CHN2: variants seen among roughly 807,000 people sequenced by gnomAD.
The protein encoded by CHN2 is chimerin 2, also known as beta-chimaerin.
A neutral mutation model predicts 56.3 loss-of-function variants in CHN2; 35 were observed. That is an observed-to-expected ratio of 0.62 (90% CI 0.47 to 0.82). The LOEUF (loss-of-function observed/expected upper bound fraction) is 0.82, where lower values mean the gene tolerates loss of function less well. Ranked by LOEUF, CHN2 falls within the 40% of genes least tolerant of loss-of-function variation. The pLI, the probability that CHN2 is intolerant of heterozygous loss-of-function variation, is 0.00. For missense variants in CHN2, 491 were observed against 580.5 expected, an observed-to-expected ratio of 0.85 and a Z score of 1.58; for synonymous variants, 210 against 212.8, an observed-to-expected ratio of 0.99 and a Z score of 0.12.
intron 1 of CHN2, among the ~76,000 whole-genome samples, chr7:29,238,001 T>TTAA (rs1353046616): frequency 6.7e-6 from 1 of 149,092 alleles, no homozygotes; most frequent in East Asian, 2.0e-4. Context: ...CACTCATACT[T>TTAA]TAATATGTAT....
intron 1 of CHN2, among the ~76,000 whole-genome samples, chr7:29,344,492 A>G (rs1210233060): frequency 6.6e-6 from 1 of 152,114 alleles, no homozygotes; most frequent in Non-Finnish European, 1.5e-5. Context: ...AGCCTGTTTC[A>G]GCCAGCAAGC....
chr7:29,371,032 G>T (rs1235559273), intron 3 of CHN2, among the ~76,000 whole-genome samples: 4 of 152,192 alleles, frequency 2.6e-5, no homozygotes, highest in Admixed American at 1.3e-4. Context: ...CATCTACTTT[G>T]CAGGGTTGCT....
chr7:29,360,577 G>T (rs1313990966), intron 2 of CHN2, among the ~76,000 whole-genome samples: 2 of 152,188 alleles, frequency 1.3e-5, no homozygotes, highest in African/African-American at 2.4e-5. Context: ...CCATGGCAGG[G>T]TGGAGGGTGG....
At chr7:29,212,401 A>G (rs1785022939) in intron 1 of CHN2, 1 of 1,607,444 alleles carries the variant, frequency 6.2e-7, no homozygotes, top group East Asian at 2.2e-5. Flanking sequence ...CCTGAAGAAA[A>G]CTATCCATCC....
chr7:29,311,501 C>T (rs758324338), intron 1 of CHN2, among the ~76,000 whole-genome samples: 2 of 152,170 alleles, frequency 1.3e-5, no homozygotes, highest in Admixed American at 6.5e-5. Flanking sequence ...CCCCACTTCA[C>T]GGATGAGAAA....
chr7:29,221,784 C>T (rs1785817036), intron 1 of CHN2, among the ~76,000 whole-genome samples: 2 of 152,340 alleles, frequency 1.3e-5, no homozygotes, highest in East Asian at 1.9e-4. Flanking sequence ...CTGCAGAGGA[C>T]ATGATCTCAT....
chr7:29,252,390 G>A lies in CHN2; in HGVS notation c.49+57400G>A, dbSNP rs918241411. 1.5e-4 allele frequency among the ~76,000 whole-genome samples: 23 copies of A among 150,010 alleles called. No individual in the cohort carries two copies. The Middle Eastern group carries it at 0.01, about 67-fold the overall frequency. ...TTTTTAGTAGAGATGGAGTTTCACC[G>A]TGTTAGCCAGGATGGTCTCAAACTC... On this transcript the variant is annotated intron_variant, in intron 1 of 12. Coordinates refer to ENST00000222792, the MANE Select transcript of CHN2 (RefSeq NM_004067.4).
intron 7 of CHN2, among the ~76,000 whole-genome samples, chr7:29,481,706 T>A (rs1264152297): frequency 6.7e-6 from 1 of 150,374 alleles, no homozygotes; most frequent in South Asian, 2.1e-4. Context: ...CCTCATTAAT[T>A]TTTTTTGGCC....
chr7:29,215,485 C>G (rs1404437862), intron 1 of CHN2, among the ~76,000 whole-genome samples: 1 of 152,108 alleles, frequency 6.6e-6, no homozygotes, highest in Non-Finnish European at 1.5e-5. Flanking sequence ...AGTTGTAACT[C>G]CTTAATGCCA....
At chr7:29,374,438 T>G (rs1585194117) in intron 3 of CHN2, among the ~76,000 whole-genome samples, 1 of 152,280 alleles carries the variant, frequency 6.6e-6, no homozygotes, top group East Asian at 1.9e-4. Context: ...ACAAGTACTG[T>G]GATCTACCAA....
chr7:29,269,013 G>A (rs1790391157), intron 1 of CHN2, among the ~76,000 whole-genome samples: 1 of 152,190 alleles, frequency 6.6e-6, no homozygotes, highest in African/African-American at 2.4e-5. Flanking sequence ...TCAAATCAAG[G>A]TAATTGGGAT....
intron 1 of CHN2, among the ~76,000 whole-genome samples, chr7:29,347,389 G>A (rs1320404088): frequency 3.1e-4 from 47 of 152,152 alleles, no homozygotes; most frequent in Non-Finnish European, 1.2e-4. Flanking sequence ...CTGAGACTGG[G>A]TAATTTATAA....
At chr7:29,167,592 G>T (rs1264082410) in intron 2 of CHN2, among the ~76,000 whole-genome samples, 1 of 152,122 alleles carries the variant, frequency 6.6e-6, no homozygotes, top group Admixed American at 6.5e-5. Context: ...ACACTAAATT[G>T]TTTTTTAAAG....
At chr7:29,509,187 T>C (rs554496580) in intron 11 of CHN2, 114 bp from the exon 12 acceptor site, 18 of 728,630 alleles carry the variant, frequency 2.5e-5, no homozygotes, top group Non-Finnish European at 3.8e-5. Context: ...TTGGATTGCA[T>C]GAATTTATTA....
chr7:29,229,451 C>T (rs754295028), intron 1 of CHN2, among the ~76,000 whole-genome samples: 4 of 152,018 alleles, frequency 2.6e-5, no homozygotes, highest in Non-Finnish European at 5.9e-5. Context: ...GAGCTGATTA[C>T]GAAGATTTAC....
At chr7:29,350,749 G>A (rs1247077576) in intron 1 of CHN2, among the ~76,000 whole-genome samples, 2 of 152,152 alleles carry the variant, frequency 1.3e-5, no homozygotes, top group Non-Finnish European at 2.9e-5. Context: ...CATTAGTGGG[G>A]CTCTGCTGAG....
intron 6 of CHN2, among the ~76,000 whole-genome samples, chr7:29,443,022 A>G (rs1262793925): frequency 1.4e-5 from 2 of 143,560 alleles, no homozygotes; most frequent in Admixed American, 7.2e-5. Flanking sequence ...CTCACTGCAA[A>G]CTCCGCTTCC....
chr7:29,288,280 A>C (rs1471622900), intron 1 of CHN2, among the ~76,000 whole-genome samples: 1 of 152,184 alleles, frequency 6.6e-6, no homozygotes, highest in Non-Finnish European at 1.5e-5. Context: ...TAAAACAGGC[A>C]GGATGTGATA....
chr7:29,303,020 G>A (rs541567569), intron 1 of CHN2, among the ~76,000 whole-genome samples: 7 of 152,148 alleles, frequency 4.6e-5, no homozygotes, highest in South Asian at 2.1e-4. Flanking sequence ...TCCCGGTCCC[G>A]CCCATCTTCC....
Sources: gnomAD v4.1 joint callset for allele counts (sites outside exome capture counted in the v4.1 genomes callset) on GRCh38, gnomAD v4.1.1 for gene constraint, MANE v1.5 for transcripts, NCBI Gene and HGNC (gene_info 2026-07-23, HGNC 2026-07-21) for gene names.